Variants in EXOC4 observed in about 807,000 individuals in gnomAD.
EXOC4 encodes the protein exocyst complex component 4.
In EXOC4, 71 loss-of-function variants were observed where a neutral mutation model predicts 107.2. The ratio of observed to expected loss-of-function variants is 0.66; its 90% CI spans 0.55 to 0.81. The LOEUF (loss-of-function observed/expected upper bound fraction) is 0.81, where lower values mean the gene tolerates loss of function less well. Ranked by LOEUF, EXOC4 falls within the 30% of genes least tolerant of loss-of-function variation. EXOC4 has a pLI of 0.00. For synonymous variants in EXOC4, 456 were observed against 441.2 expected (o/e 1.03, Z -0.42); for missense variants, 1,108 against 1,189.6 (o/e 0.93, Z 1.01).
At chr7:133,729,456 C>G (rs1281193001) in intron 10 of EXOC4, among the ~76,000 whole-genome samples, 1 of 151,950 alleles carries the variant, frequency 6.6e-6, no homozygotes, top group Non-Finnish European at 1.5e-5. Flanking sequence ...TTTGAGGGCA[C>G]TGGGGAAGGG....
At chr7:133,714,923 C>T (rs977117873) in intron 10 of EXOC4, among the ~76,000 whole-genome samples, 11 of 152,092 alleles carry the variant, frequency 7.2e-5, no homozygotes, top group African/African-American at 2.4e-4. Context: ...CTCTGGGCTT[C>T]GTTTTTCTCT....
intron 2 of EXOC4, among the ~76,000 whole-genome samples, chr7:133,277,507 G>A (rs533853780): frequency 4.6e-5 from 7 of 152,288 alleles, no homozygotes; most frequent in African/African-American, 1.4e-4. Context: ...AAGAATGTTC[G>A]CCTGATATTG....
chr7:133,687,902 T>C (rs1794340879), intron 10 of EXOC4, among the ~76,000 whole-genome samples: 2 of 152,192 alleles, frequency 1.3e-5, no homozygotes, highest in Non-Finnish European at 2.9e-5. Flanking sequence ...GATAAAGATA[T>C]TTATTTAACA....
At chr7:133,632,376 C>G (rs1289429491) in intron 10 of EXOC4, among the ~76,000 whole-genome samples, 1 of 152,018 alleles carries the variant, frequency 6.6e-6, no homozygotes, top group Non-Finnish European at 1.5e-5. Flanking sequence ...ATGGAAATCC[C>G]CAAAATATTA....
At chr7:133,868,565 G>C (rs1798689346) in intron 11 of EXOC4, among the ~76,000 whole-genome samples, 1 of 152,106 alleles carries the variant, frequency 6.6e-6, no homozygotes, top group Admixed American at 6.5e-5. Context: ...TTCTTAAATA[G>C]ACTTTCAAGT....
chr7:133,986,523 G>A (rs1227666172), intron 14 of EXOC4, among the ~76,000 whole-genome samples: 2 of 152,130 alleles, frequency 1.3e-5, no homozygotes, highest in East Asian at 3.8e-4. Context: ...ATTTTAGTTT[G>A]GCGTAATGAC....
At chr7:133,376,087 T>C (rs190559871) in intron 7 of EXOC4, among the ~76,000 whole-genome samples, 69 of 152,224 alleles carry the variant, frequency 4.5e-4, no homozygotes, top group Admixed American at 8.5e-4. Flanking sequence ...AAAAAGTAAA[T>C]CATGAATGTA....
intron 10 of EXOC4, among the ~76,000 whole-genome samples, chr7:133,678,549 C>A (rs1367690936): frequency 6.6e-6 from 1 of 151,520 alleles, no homozygotes; most frequent in Non-Finnish European, 1.5e-5. Context: ...TTGTTGTTTT[C>A]CCCTTTGGAA....
rs1554477961 is a variant in EXOC4 at position 133,604,706 on chromosome 7, C to CTTT, written c.1418-25338_1418-25336dup. Among the ~76,000 whole-genome samples, 397 of 87,434 alleles carry CTTT rather than the reference C, an allele frequency of 4.5e-3. 29 individuals are homozygous for CTTT. The highest frequency in any genetic ancestry group is 8.2e-3 in the African/African-American group (186 of 22,662). 57.4% of individuals were successfully genotyped at this position (87,434 alleles called of 152,430 possible). A position where few individuals can be genotyped will look rare whatever the true frequency, so the allele number is the denominator to read the frequency against. ...TTTTTCTTTCCTTCCTTCCTTCCTTCTTTCTTTTTTTTTTTTTTTTTTTTT... is the reference window on the plus strand; with the variant it reads ...TTTTTCTTTCCTTCCTTCCTTCCTTCTTTTTTCTTTTTTTTTTTTTTTTTTTTT... On this transcript the variant is annotated intron_variant, in intron 9 of 17. Coordinates refer to ENST00000253861, the MANE Select transcript of EXOC4 (RefSeq NM_021807.4).
chr7:133,720,470 C>T (rs1447092788), intron 10 of EXOC4, among the ~76,000 whole-genome samples: 2 of 152,098 alleles, frequency 1.3e-5, no homozygotes, highest in African/African-American at 4.8e-5. Flanking sequence ...AACCATAATG[C>T]ACAAAACAGT....
At chr7:133,920,466 A>T (rs937503067) in intron 13 of EXOC4, among the ~76,000 whole-genome samples, 1 of 151,970 alleles carries the variant, frequency 6.6e-6, no homozygotes, top group East Asian at 1.9e-4. Context: ...CATATTAGTT[A>T]TACTTCTTTT....
intron 9 of EXOC4, among the ~76,000 whole-genome samples, chr7:133,533,939 T>C (rs1309938931): frequency 2.0e-5 from 3 of 152,116 alleles, no homozygotes; most frequent in Admixed American, 2.0e-4. Flanking sequence ...ATGAGGTAAT[T>C]GTCCTGAATT....
rs79231931 is a variant in EXOC4 at position 133,905,580 on chromosome 7, C to A, written c.1871+9845C>A. ...AAATAATAATTTAAAGATTGGAAAT[C>A]GCAGTTTTCGGAAGTTTCTCTCTGT... On this transcript the variant is annotated intron_variant, in intron 12 of 17. Coordinates refer to ENST00000253861, the MANE Select transcript of EXOC4 (RefSeq NM_021807.4). Among the ~76,000 whole-genome samples, 434 of 152,238 alleles carry A rather than the reference C, an allele frequency of 2.9e-3. 1 individual carries two copies. The highest frequency in any genetic ancestry group is 5.3e-3 in the Non-Finnish European group (362 of 68,030).
chr7:133,786,155 T>G (rs1344553963), intron 10 of EXOC4, among the ~76,000 whole-genome samples: 1 of 152,168 alleles, frequency 6.6e-6, no homozygotes, highest in Non-Finnish European at 1.5e-5. Flanking sequence ...TGGAGGACAC[T>G]AGAATGTCTC....
intron 17 of EXOC4, among the ~76,000 whole-genome samples, chr7:134,014,418 A>C (rs1455457108): frequency 6.6e-6 from 1 of 152,210 alleles, no homozygotes. Context: ...AAAAGTACAA[A>C]CAACCAGATA....
At chr7:133,268,847 G>C (rs1294968713) in intron 1 of EXOC4, among the ~76,000 whole-genome samples, 2 of 151,992 alleles carry the variant, frequency 1.3e-5, no homozygotes, top group Non-Finnish European at 2.9e-5. Flanking sequence ...ATTCCTTCCT[G>C]GGAATTAATT....
At chr7:133,687,363 C>T (rs951508628) in intron 10 of EXOC4, among the ~76,000 whole-genome samples, 5 of 151,854 alleles carry the variant, frequency 3.3e-5, no homozygotes, top group East Asian at 1.9e-4. Flanking sequence ...AGAACTTACT[C>T]ATGTAACCAA....
intron 9 of EXOC4, among the ~76,000 whole-genome samples, chr7:133,539,380 C>G (rs1335516014): frequency 6.6e-6 from 1 of 151,874 alleles, no homozygotes; most frequent in African/African-American, 2.4e-5. Flanking sequence ...TTACCCTTAA[C>G]CTTTTCTGCT....
chr7:133,315,208 CTG>C (rs1233409674), intron 4 of EXOC4: 1 of 152,540 alleles, frequency 6.6e-6, no homozygotes, highest in Non-Finnish European at 1.5e-5. Context: ...CTTGTTCACA[CTG>C]TGAGGTTCCC....
Sources: allele counts gnomAD v4.1 joint callset (sites outside exome capture counted in the v4.1 genomes callset), GRCh38; gene constraint gnomAD v4.1.1; transcripts MANE v1.5; gene names NCBI Gene and HGNC (gene_info 2026-07-23, HGNC 2026-07-21).